WNT16: variants seen among roughly 807,000 people sequenced by gnomAD.
The protein encoded by WNT16 is Wnt family member 16.
Under a neutral mutation model 35.4 loss-of-function variants are expected in WNT16, and 20 were observed. That is an observed-to-expected ratio of 0.56 (90% CI 0.40 to 0.82). The LOEUF (loss-of-function observed/expected upper bound fraction) is 0.82, where lower values mean the gene tolerates loss of function less well. Among genes scored for constraint, WNT16 ranks in the 40% least tolerant of loss-of-function variants. The pLI, the probability that WNT16 is intolerant of heterozygous loss-of-function variation, is 0.00. For synonymous variants in WNT16, 180 were observed against 179.2 expected, an observed-to-expected ratio of 1.00 and a Z score of -0.03; for missense variants, 461 against 466.0, an observed-to-expected ratio of 0.99 and a Z score of 0.10.
At chr7:121,325,625 A>G, upstream of WNT16, 1 of 703,928 alleles carries the variant, frequency 1.4e-6, no homozygotes, top group East Asian at 2.9e-5. Flanking sequence ...AGATTTGGGG[A>G]TTTGATCAGG....
Position 121,338,780 on chromosome 7 carries a change from G to A in WNT16, c.634-101G>A. 6 of 982,424 alleles carry A rather than the reference G, an allele frequency of 6.1e-6. No individual in the cohort carries two copies. In the South Asian group the frequency reaches 8.6e-5, roughly 14 times the overall value. The allele number at this position is 982,424 out of a possible 1,614,324, so 60.9% of individuals were successfully genotyped here. ...CAAAACCATCATTTTTATTCAAGAG[G>A]AAATAGACCCAGAAAGTTAATTGAT... On this transcript the variant is annotated intron_variant, in intron 3 of 3. Coordinates refer to ENST00000222462, the MANE Select transcript of WNT16 (RefSeq NM_057168.2).
chr7:121,329,852 G>C, intron 2 of WNT16, 35 bp downstream of exon 2: 2 of 1,589,232 alleles, frequency 1.3e-6, no homozygotes, highest in Non-Finnish European at 1.7e-6. Flanking sequence ...GGTGGGGGAC[G>C]GAAGGCGACA....
chr7:121,329,733 G>C lies in WNT16; in HGVS notation c.262G>C (p.Glu88Gln), dbSNP rs749225268. 1 of 1,612,042 alleles carries C rather than the reference G, an allele frequency of 6.2e-7. No homozygotes were observed. Among genetic ancestry groups the C allele is most frequent in the Non-Finnish European group, 8.5e-7 (1 of 1,179,874 alleles). The change falls in exon 2 of 4, where the codon GAG becomes CAG. Residue 88 changes from glutamate (E) to glutamine (Q), a missense_variant. Coordinates refer to ENST00000222462, the MANE Select transcript of WNT16 (RefSeq NM_057168.2). ...IQECGSQFRH[E>Q]RWNCMITAAA... is the part of the protein sequence containing the mutation. ...GGAGTGCGGGAGCCAGTTCAGACACGAGAGATGGAACTGCATGATCACCGC... is the reference window on the plus strand; with the variant it reads ...GGAGTGCGGGAGCCAGTTCAGACACCAGAGATGGAACTGCATGATCACCGC...
In WNT16 at chr7:121,331,975, G is replaced by T; in HGVS notation, c.633+11G>T. The T allele has an allele frequency of 6.2e-7, 1 of 1,612,372 alleles. No individual in the cohort carries two copies. The highest frequency in any genetic ancestry group is 8.5e-7 in the Non-Finnish European group (1 of 1,178,772). Reference sequence around the variant, plus strand: ...GAAGCTGGAAGGCAGGTATGTATTAGAAAATGGAATAATCAAAACCCAGTG... The same window carrying T: ...GAAGCTGGAAGGCAGGTATGTATTATAAAATGGAATAATCAAAACCCAGTG... On this transcript the variant is annotated intron_variant, in intron 3 of 3. Transcript: ENST00000222462.
At chr7:121,329,537 C>T in intron 1 of WNT16, 30 bp from the exon 2 acceptor site, 6 of 1,611,194 alleles carry the variant, frequency 3.7e-6, no homozygotes, top group Middle Eastern at 1.7e-4. Flanking sequence ...TGGGGAGCGG[C>T]TTAACGCTAC....
chr7:121,333,658 A>G (rs965486762), intron 3 of WNT16, among the ~76,000 whole-genome samples: 3 of 152,002 alleles, frequency 2.0e-5, no homozygotes. Context: ...TGTAATTAGG[A>G]TATGTTCTTA....
At chr7:121,334,628 C>T (rs960601846) in intron 3 of WNT16, among the ~76,000 whole-genome samples, 3 of 152,004 alleles carry the variant, frequency 2.0e-5, no homozygotes, top group Non-Finnish European at 2.9e-5. Context: ...TGGGTACTGG[C>T]GCTTAGTAGT....
Position 121,329,757 on chromosome 7 carries a change from G to A in WNT16, c.286G>A (p.Ala96Thr). Residue 96 changes from alanine to threonine, a missense_variant, in exon 2 of 4, where the codon GCC becomes ACC. Coordinates refer to ENST00000222462, the MANE Select transcript of WNT16 (RefSeq NM_057168.2). ...CGAGAGATGGAACTGCATGATCACC[G>A]CCGCCGCCACTACCGCCCCGATGGG... is the stretch of plus-strand genomic sequence containing the variant. The part of the protein sequence containing the change: ...RHERWNCMIT[A>T]AATTAPMGAS... 1 of 1,607,514 alleles carries A rather than the reference G, an allele frequency of 6.2e-7. No individual in the cohort carries two copies.
In WNT16 at chr7:121,331,709, G is replaced by A. The variant is rs115467210; in HGVS notation, c.378G>A (p.Val126=). The A allele has an allele frequency of 9.9e-6, 16 of 1,612,658 alleles. No individual in the cohort carries two copies. In the East Asian group the frequency reaches 1.6e-4, roughly 16 times the overall value. The part of the protein sequence containing the change: ...GTKETAFIYA[V]MAAGLVHSVT... Reference sequence around the variant, plus strand: ...AAGAGACAGCATTTATTTATGCTGTGATGGCTGCAGGCCTGGTGCATTCTG... The same window carrying A: ...AAGAGACAGCATTTATTTATGCTGTAATGGCTGCAGGCCTGGTGCATTCTG... The change falls in exon 3 of 4, where the codon GTG becomes GTA. Residue 126 remains valine (V), a synonymous_variant. Coordinates refer to ENST00000222462, the MANE Select transcript of WNT16 (RefSeq NM_057168.2).
At chr7:121,325,472 C>G (rs375712675), upstream of WNT16, 15 of 1,613,496 alleles carry the variant, frequency 9.3e-6, no homozygotes, top group Non-Finnish European at 1.3e-5. Flanking sequence ...CTCAAAAGAC[C>G]TCCCTATGGT....
Position 121,339,474 on chromosome 7 carries a change from G to A in WNT16, c.*129G>A, listed in dbSNP as rs1430753781. 2 of 707,338 alleles carry A rather than the reference G, an allele frequency of 2.8e-6. No individual in the cohort carries two copies. The highest frequency in any genetic ancestry group is 2.7e-5 in the East Asian group (1 of 36,970). The allele number at this position is 707,338 out of a possible 1,614,324, so 43.8% of individuals were successfully genotyped here. On this transcript the variant is annotated 3_prime_UTR_variant, in exon 4 of 4. Transcript: ENST00000222462. ...GTGGAATCCCTAGAACCTTGGACCT[G>A]AGAGTTTCCCTTACCTGATCGACAT...
chr7:121,332,322 A>G (rs1030631867), intron 3 of WNT16, among the ~76,000 whole-genome samples: 3 of 152,190 alleles, frequency 2.0e-5, no homozygotes, highest in African/African-American at 7.2e-5. Context: ...ATGAATATAT[A>G]CTAACCACAA....
At position 121,339,447 on chromosome 7, in the gene WNT16, C is replaced by A. The variant is rs1053840110; in HGVS notation, c.*102C>A. The A allele has an allele frequency of 3.7e-6, 4 of 1,079,240 alleles. No homozygotes were observed. The African/African-American group carries it at 4.8e-5, about 13-fold the overall frequency. The allele number at this position is 1,079,240 out of a possible 1,614,324, so 66.9% of individuals were successfully genotyped here. A position where few individuals can be genotyped will look rare whatever the true frequency, so the allele number is the denominator to read the frequency against. On this transcript the variant is annotated 3_prime_UTR_variant, in exon 4 of 4. Coordinates refer to ENST00000222462, the MANE Select transcript of WNT16 (RefSeq NM_057168.2). The stretch of plus-strand genomic sequence containing the variant: ...GCAGCGCTAGTAAAGTTGACTCTTG[C>A]AGTGGAATCCCTAGAACCTTGGACC...
In WNT16 at chr7:121,339,205, T is replaced by G; in HGVS notation, c.958T>G (p.Cys320Gly). The change falls in exon 4 of 4, where the codon TGC becomes GGC. Residue 320 changes from cysteine to glycine, a missense_variant. Physicochemically the swap from Cys to Gly is radical, Grantham distance 159. Coordinates refer to ENST00000222462, the MANE Select transcript of WNT16 (RefSeq NM_057168.2). ...CCGTACATCAGAGGGTGCAGATGGC[T>G]GCAACCTCCTCTGCTGTGGCCGAGG... is the stretch of plus-strand genomic sequence containing the variant. ...CNRTSEGADGCNLLCCGRGYN... is the reference protein window; with the variant it reads ...CNRTSEGADGGNLLCCGRGYN... The G allele has an allele frequency of 6.2e-7, 1 of 1,614,204 alleles. No individual in the cohort carries two copies. Among genetic ancestry groups the G allele is most frequent in the East Asian group, 2.2e-5 (1 of 44,888 alleles).
At chr7:121,328,444 G>A (rs1049391439), upstream of WNT16, among the ~76,000 whole-genome samples, 1 of 152,110 alleles carries the variant, frequency 6.6e-6, no homozygotes, top group African/African-American at 2.4e-5. Context: ...CTTCTCTTTC[G>A]CTCAAAATAA....
intron 3 of WNT16, among the ~76,000 whole-genome samples, chr7:121,332,508 A>G (rs1562875982): frequency 6.6e-6 from 1 of 152,148 alleles, no homozygotes. Context: ...CTGCCTTTCT[A>G]ATAGAACTGA....
chr7:121,333,624 C>T (rs1310761720), intron 3 of WNT16, among the ~76,000 whole-genome samples: 1 of 151,880 alleles, frequency 6.6e-6, no homozygotes, highest in African/African-American at 2.4e-5. Context: ...TTATTTCTAG[C>T]ATATTAATTT....
intron 3 of WNT16, among the ~76,000 whole-genome samples, chr7:121,336,158 G>A (rs2116841440): frequency 6.6e-6 from 1 of 151,668 alleles, no homozygotes; most frequent in South Asian, 2.1e-4. Flanking sequence ...TTCCAGGTCA[G>A]GTTATTGATA....
chr7:121,328,847 G>C (rs961728353), upstream of WNT16, among the ~76,000 whole-genome samples: 92 of 152,292 alleles, frequency 6.0e-4, no homozygotes, highest in African/African-American at 2.0e-3. Flanking sequence ...CCAGTGCCCG[G>C]AGCGCCCCCC....
Sources: gnomAD v4.1 joint callset for allele counts (sites outside exome capture counted in the v4.1 genomes callset) on GRCh38, gnomAD v4.1.1 for gene constraint, MANE v1.5 for transcripts, NCBI Gene and HGNC (gene_info 2026-07-23, HGNC 2026-07-21) for gene names.